Variants in NCAM2 observed in about 807,000 individuals in gnomAD.
The protein encoded by NCAM2 is neural cell adhesion molecule 2.
NCAM2 carries 30 observed loss-of-function variants against 98.1 expected under a neutral mutation model. That is an observed-to-expected ratio of 0.31 (90% CI 0.23 to 0.41). NCAM2 has a LOEUF of 0.41. Ranked by LOEUF, NCAM2 falls within the 10% of genes least tolerant of loss-of-function variation. The pLI, the probability that NCAM2 is intolerant of heterozygous loss-of-function variation, is 1.00. For synonymous variants in NCAM2, 368 were observed against 342.4 expected (o/e 1.07, Z -0.83); for missense variants, 867 against 1,005.8 (o/e 0.86, Z 1.87).
intron 1 of NCAM2, among the ~76,000 whole-genome samples, chr21:21,113,421 A>G (rs762755407): frequency 3.9e-5 from 6 of 151,958 alleles, no homozygotes; most frequent in Non-Finnish European, 8.8e-5. Context: ...ACGGTGCACT[A>G]TTGGACAAAA....
At chr21:21,386,115 G>A (rs866822939) in intron 9 of NCAM2, among the ~76,000 whole-genome samples, 16 of 152,118 alleles carry the variant, frequency 1.1e-4, no homozygotes, top group Middle Eastern at 3.4e-3. Flanking sequence ...ATAATTAATA[G>A]ATGTGTGCTT....
intron 1 of NCAM2, among the ~76,000 whole-genome samples, chr21:21,140,694 T>A (rs2826698): frequency 2.6e-5 from 4 of 151,856 alleles, no homozygotes; most frequent in Admixed American, 6.6e-5. Flanking sequence ...TGGTTTTCTC[T>A]TCTGTCACTT....
chr21:21,184,938 C>G (rs1056256643), intron 1 of NCAM2, among the ~76,000 whole-genome samples: 1 of 152,082 alleles, frequency 6.6e-6, no homozygotes. Context: ...GATGGCTGTA[C>G]ACCACACTTA....
At chr21:21,113,943 TAAG>T (rs1160535835) in intron 1 of NCAM2, among the ~76,000 whole-genome samples, 1 of 152,122 alleles carries the variant, frequency 6.6e-6, no homozygotes, top group Non-Finnish European at 1.5e-5. Context: ...ATTCGGGAGT[TAAG>T]AAGGTCCAAA....
At chr21:21,114,055 T>G (rs2066505176) in intron 1 of NCAM2, among the ~76,000 whole-genome samples, 1 of 152,194 alleles carries the variant, frequency 6.6e-6, no homozygotes, top group Non-Finnish European at 1.5e-5. Context: ...TCTCTCCCTT[T>G]TAGTGTGTGA....
chr21:21,326,239 C>T (rs1202351483), intron 6 of NCAM2, among the ~76,000 whole-genome samples: 1 of 152,126 alleles, frequency 6.6e-6, no homozygotes, highest in Non-Finnish European at 1.5e-5. Flanking sequence ...AAGAAAATCT[C>T]CTTTACTTCT....
At chr21:21,110,508 A>T (rs567349382) in intron 1 of NCAM2, among the ~76,000 whole-genome samples, 145 of 151,764 alleles carry the variant, frequency 9.6e-4, no homozygotes, top group Non-Finnish European at 1.6e-3. Context: ...ACATATAAAG[A>T]TACAATTTCC....
At chr21:21,481,619 C>G (rs1032663319) in intron 15 of NCAM2, among the ~76,000 whole-genome samples, 9 of 152,126 alleles carry the variant, frequency 5.9e-5, no homozygotes, top group Admixed American at 4.6e-4. Flanking sequence ...GTTAGAAGGT[C>G]TTTTATGATG....
intron 9 of NCAM2, among the ~76,000 whole-genome samples, chr21:21,374,722 T>C (rs1385499262): frequency 6.6e-6 from 1 of 151,796 alleles, no homozygotes; most frequent in South Asian, 2.1e-4. Flanking sequence ...GCATCAATAT[T>C]GGAGAGTCTC....
intron 1 of NCAM2, among the ~76,000 whole-genome samples, chr21:21,179,137 A>G (rs1044467427): frequency 2.0e-5 from 3 of 152,288 alleles, no homozygotes; most frequent in Middle Eastern, 6.8e-3. Flanking sequence ...TAAGGTTAGG[A>G]GACTTTATAT....
intron 1 of NCAM2, among the ~76,000 whole-genome samples, chr21:21,090,812 C>A (rs770535583): frequency 6.6e-6 from 1 of 152,142 alleles, no homozygotes; most frequent in Non-Finnish European, 1.5e-5. Flanking sequence ...TCAGTATTCT[C>A]GCCTCAGATA....
At position 21,001,987 on chromosome 21, in the gene NCAM2, C is replaced by T. The variant is rs772085779; in HGVS notation, c.55+3369C>T. On this transcript the variant is annotated intron_variant, in intron 1 of 17. Transcript: ENST00000400546. ...AGAGCTCCACAAACTCATCTTCTGT[C>T]GGGGCTGTTACATGGCTCCAGCCTC... Among the ~76,000 whole-genome samples, 7 of 152,260 alleles carry T rather than the reference C, an allele frequency of 4.6e-5. No individual in the cohort carries two copies. The South Asian group carries it at 1.0e-3, about 23-fold the overall frequency.
intron 1 of NCAM2, among the ~76,000 whole-genome samples, chr21:21,240,055 T>C (rs2071003868): frequency 6.6e-6 from 1 of 152,106 alleles, no homozygotes; most frequent in Non-Finnish European, 1.5e-5. Flanking sequence ...TACAAAATAA[T>C]ATTATCACCT....
intron 12 of NCAM2, among the ~76,000 whole-genome samples, chr21:21,464,864 T>G (rs146055750): frequency 6.6e-6 from 1 of 152,266 alleles, no homozygotes; most frequent in Non-Finnish European, 1.5e-5. Flanking sequence ...CATTACCCTG[T>G]CAGAAATCAT....
At chr21:21,232,555 AT>A (rs2070672509) in intron 1 of NCAM2, among the ~76,000 whole-genome samples, 1 of 151,494 alleles carries the variant, frequency 6.6e-6, no homozygotes, top group Non-Finnish European at 1.5e-5. Context: ...GGTAAATAGG[AT>A]TTAGAGTATT....
intron 16 of NCAM2, among the ~76,000 whole-genome samples, chr21:21,534,292 A>G (rs1420636826): frequency 1.3e-5 from 2 of 152,080 alleles, no homozygotes; most frequent in Non-Finnish European, 2.9e-5. Context: ...ATTTTGCAAA[A>G]TAATTGATAC....
At chr21:21,334,509 A>G (rs1435747969) in intron 6 of NCAM2, among the ~76,000 whole-genome samples, 1 of 152,138 alleles carries the variant, frequency 6.6e-6, no homozygotes, top group Non-Finnish European at 1.5e-5. Flanking sequence ...TTTTAAATTT[A>G]CAATTGTATG....
intron 1 of NCAM2, among the ~76,000 whole-genome samples, chr21:21,000,068 TA>T (rs1422231672): frequency 2.0e-5 from 3 of 152,254 alleles, no homozygotes; most frequent in Non-Finnish European, 4.4e-5. Context: ...AAATTGCAGA[TA>T]TGTCCATCTG....
At chr21:21,084,761 G>T (rs1206136751) in intron 1 of NCAM2, among the ~76,000 whole-genome samples, 1 of 152,054 alleles carries the variant, frequency 6.6e-6, no homozygotes, top group African/African-American at 2.4e-5. Flanking sequence ...TTTCCCAATT[G>T]TCTTGTAAGG....
Sources: gnomAD v4.1 joint callset for allele counts (sites outside exome capture counted in the v4.1 genomes callset) on GRCh38, gnomAD v4.1.1 for gene constraint, MANE v1.5 for transcripts, NCBI Gene and HGNC (gene_info 2026-07-23, HGNC 2026-07-21) for gene names.